LRRC4C: variants seen among roughly 807,000 people sequenced by gnomAD.
LRRC4C encodes the protein leucine-rich repeat-containing protein 4C.
A neutral mutation model predicts 33.6 loss-of-function variants in LRRC4C; 5 were observed. The observed-to-expected ratio is 0.15, with a 90% confidence interval of 0.08 to 0.31. The LOEUF (loss-of-function observed/expected upper bound fraction) is 0.31, where lower values mean the gene tolerates loss of function less well. Among genes scored for constraint, LRRC4C ranks in the 10% least tolerant of loss-of-function variants. LRRC4C has a pLI of 1.00. For missense variants in LRRC4C, 560 were observed against 796.7 expected, an observed-to-expected ratio of 0.70 and a Z score of 3.58; for synonymous variants, 329 against 302.0, an observed-to-expected ratio of 1.09 and a Z score of -0.93.
intron 1 of LRRC4C, among the ~76,000 whole-genome samples, chr11:41,306,021 T>TAA (rs1158183443): frequency 5.4e-5 from 6 of 110,436 alleles, no homozygotes; most frequent in African/African-American, 5.9e-5. Flanking sequence ...TTTCTTTCTC[T>TAA]AAAAAAAAAA....
chr11:41,230,449 C>T (rs989987115), intron 1 of LRRC4C, among the ~76,000 whole-genome samples: 2 of 152,086 alleles, frequency 1.3e-5, no homozygotes, highest in African/African-American at 4.8e-5. Context: ...TCTCAGCCTC[C>T]TTTACCTTAC....
intron 1 of LRRC4C, among the ~76,000 whole-genome samples, chr11:41,115,886 T>G (rs1183188039): frequency 1.3e-5 from 2 of 152,086 alleles, no homozygotes; most frequent in Non-Finnish European, 2.9e-5. Context: ...GCCTGCCTCC[T>G]AGCTAGCAAG....
chr11:40,574,892 C>T (rs997872158), intron 3 of LRRC4C, among the ~76,000 whole-genome samples: 1 of 152,140 alleles, frequency 6.6e-6, no homozygotes, highest in Non-Finnish European at 1.5e-5. Flanking sequence ...AGTGAGGAGG[C>T]CTACACACTC....
chr11:41,312,660 TAAGG>T (rs958467692), intron 1 of LRRC4C, among the ~76,000 whole-genome samples: 6 of 152,160 alleles, frequency 3.9e-5, no homozygotes, highest in African/African-American at 7.2e-5. Flanking sequence ...CCCTGGATCA[TAAGG>T]AAACAGTAGA....
chr11:40,839,445 C>T (rs547922079), intron 2 of LRRC4C, among the ~76,000 whole-genome samples: 2 of 152,242 alleles, frequency 1.3e-5, no homozygotes, highest in African/African-American at 4.8e-5. Context: ...GGGGTTTCAC[C>T]ATGTTAGCCA....
intron 1 of LRRC4C, among the ~76,000 whole-genome samples, chr11:41,012,714 G>A (rs995641783): frequency 6.6e-6 from 1 of 152,098 alleles, no homozygotes; most frequent in African/African-American, 2.4e-5. Context: ...GTGTATGAGT[G>A]TTCTTTTTTC....
intron 5 of LRRC4C, among the ~76,000 whole-genome samples, chr11:40,173,115 G>T (rs1056387655): frequency 1.3e-5 from 2 of 152,002 alleles, no homozygotes; most frequent in Non-Finnish European, 2.9e-5. Context: ...CACTAGAGTG[G>T]TCAGAGAGTA....
At chr11:40,761,313 G>T (rs1308425125) in intron 2 of LRRC4C, among the ~76,000 whole-genome samples, 1 of 151,994 alleles carries the variant, frequency 6.6e-6, no homozygotes, top group Non-Finnish European at 1.5e-5. Context: ...ACTTTTGCAG[G>T]GTTAAATAGG....
intron 2 of LRRC4C, among the ~76,000 whole-genome samples, chr11:40,874,707 G>A (rs1030608128): frequency 6.6e-6 from 1 of 152,186 alleles, no homozygotes; most frequent in Non-Finnish European, 1.5e-5. Flanking sequence ...GCTTTGAAAA[G>A]TACAAATACA....
At chr11:40,653,104 T>C (rs1271643925) in intron 2 of LRRC4C, among the ~76,000 whole-genome samples, 1 of 152,172 alleles carries the variant, frequency 6.6e-6, no homozygotes, top group African/African-American at 2.4e-5. Context: ...TATAAATAAA[T>C]TACTCAGCCT....
chr11:40,194,128 G>C (rs11035730), intron 5 of LRRC4C, among the ~76,000 whole-genome samples: 43,408 of 151,834 alleles, frequency 0.29, 6,420 homozygotes, highest in East Asian at 0.48. Context: ...TACTCCTAGA[G>C]AATGGCAACC....
chr11:40,731,147 G>A (rs1423799322), intron 2 of LRRC4C, among the ~76,000 whole-genome samples: 2 of 151,856 alleles, frequency 1.3e-5, no homozygotes, highest in Non-Finnish European at 2.9e-5. Context: ...GTGAAACCCC[G>A]TCTCTACTAA....
intron 4 of LRRC4C, among the ~76,000 whole-genome samples, chr11:40,279,244 C>T (rs2136427706): frequency 1.3e-5 from 2 of 152,242 alleles, no homozygotes; most frequent in East Asian, 3.9e-4. Context: ...ACAACTGAGA[C>T]AGGTCCAAGA....
intron 1 of LRRC4C, among the ~76,000 whole-genome samples, chr11:41,251,974 C>T (rs1038084879): frequency 1.3e-5 from 2 of 151,846 alleles, no homozygotes; most frequent in Non-Finnish European, 2.9e-5. Context: ...CATGTAGACA[C>T]ACTTCAGATA....
chr11:40,506,706 G>T (rs1955053634), intron 3 of LRRC4C, among the ~76,000 whole-genome samples: 1 of 151,910 alleles, frequency 6.6e-6, no homozygotes, highest in African/African-American at 2.4e-5. Context: ...AATTAGGAAA[G>T]AAATTGGATT....
chr11:41,392,476 T>C (rs1248764980), intron 1 of LRRC4C, among the ~76,000 whole-genome samples: 2 of 151,698 alleles, frequency 1.3e-5, no homozygotes, highest in Non-Finnish European at 2.9e-5. Flanking sequence ...TAATAAGCCT[T>C]CTTTGGTACT....
At chr11:40,676,606 CT>C (rs1245167696) in intron 2 of LRRC4C, among the ~76,000 whole-genome samples, 1 of 152,140 alleles carries the variant, frequency 6.6e-6, no homozygotes, top group Non-Finnish European at 1.5e-5. Context: ...TAAATTTTTC[CT>C]TTGCTCCATG....
At chr11:40,304,586 C>A (rs573129308) in intron 4 of LRRC4C, among the ~76,000 whole-genome samples, 39 of 152,072 alleles carry the variant, frequency 2.6e-4, no homozygotes, top group African/African-American at 9.4e-4. Flanking sequence ...CAGAAGCTAC[C>A]CTTTTAGACA....
chr11:40,652,827 A>T (rs1942886080), intron 2 of LRRC4C, among the ~76,000 whole-genome samples: 1 of 152,108 alleles, frequency 6.6e-6, no homozygotes, highest in Admixed American at 6.5e-5. Context: ...ATATGGTTTG[A>T]CTCTGTGTCT....
Sources: allele counts gnomAD v4.1 joint callset (sites outside exome capture counted in the v4.1 genomes callset), GRCh38; gene constraint gnomAD v4.1.1; transcripts MANE v1.5; gene names NCBI Gene and HGNC (gene_info 2026-07-23, HGNC 2026-07-21).